The following PCCA variants were observed in gnomAD, a reference collection of about 807,000 sequenced individuals.
PCCA encodes the protein propionyl-CoA carboxylase subunit alpha.
In PCCA, 74 loss-of-function variants were observed where a neutral mutation model predicts 101.3. The observed-to-expected ratio is 0.73, with a 90% CI of 0.61 to 0.89. The LOEUF (loss-of-function observed/expected upper bound fraction) is 0.89, where lower values mean the gene tolerates loss of function less well. Ranked by LOEUF, PCCA falls within the 40% of genes least tolerant of loss-of-function variation. PCCA has a pLI of 0.00. For synonymous variants in PCCA, 294 were observed against 313.6 expected (o/e 0.94, Z 0.66); for missense variants, 891 against 907.0 (o/e 0.98, Z 0.23).
At chr13:100,138,700 C>T (rs944536375) in intron 4 of PCCA, among the ~76,000 whole-genome samples, 6 of 151,830 alleles carry the variant, frequency 4.0e-5, no homozygotes, top group African/African-American at 9.7e-5. Flanking sequence ...TTTGGGAGGC[C>T]GAAGCGGGTG....
intron 4 of PCCA, among the ~76,000 whole-genome samples, chr13:100,128,741 C>T (rs573359928): frequency 8.3e-4 from 127 of 152,232 alleles, no homozygotes; most frequent in African/African-American, 3.0e-3. Context: ...TTTGACTTCC[C>T]AGAATCTTTT....
intron 17 of PCCA, among the ~76,000 whole-genome samples, chr13:100,333,198 C>T (rs1260665454): frequency 6.6e-6 from 1 of 152,088 alleles, no homozygotes; most frequent in African/African-American, 2.4e-5. Context: ...TGTATTTTCC[C>T]CCTAAATCAG....
intron 20 of PCCA, among the ~76,000 whole-genome samples, chr13:100,444,202 AT>A (rs60275166): frequency 0.68 from 82,160 of 120,498 alleles, 25,624 homozygotes; most frequent in East Asian, 0.75. Flanking sequence ...TCAGCCCACA[AT>A]TTTTTTTTTT....
intron 4 of PCCA, among the ~76,000 whole-genome samples, chr13:100,119,665 T>G (rs940252494): frequency 6.6e-6 from 1 of 152,052 alleles, no homozygotes; most frequent in Non-Finnish European, 1.5e-5. Context: ...GTAGGTTGAT[T>G]CCTCCCCCAC....
intron 21 of PCCA, among the ~76,000 whole-genome samples, chr13:100,484,350 T>C (rs370820844): frequency 1.3e-5 from 2 of 152,158 alleles, no homozygotes; most frequent in East Asian, 1.9e-4. Context: ...TGACCCATCT[T>C]GAGGAAAATG....
intron 9 of PCCA, among the ~76,000 whole-genome samples, chr13:100,260,825 A>C (rs1317364779): frequency 6.6e-6 from 1 of 152,138 alleles, no homozygotes; most frequent in African/African-American, 2.4e-5. Context: ...ATTATCATTA[A>C]ATTTTTCTAT....
At chr13:100,135,302 A>C (rs2051025816) in intron 4 of PCCA, among the ~76,000 whole-genome samples, 3 of 151,752 alleles carry the variant, frequency 2.0e-5, no homozygotes, top group Admixed American at 2.0e-4. Context: ...TGAGAGGGAG[A>C]ATTGCTTGAG....
At chr13:100,466,353 G>A (rs1484988470) in intron 21 of PCCA, among the ~76,000 whole-genome samples, 1 of 152,210 alleles carries the variant, frequency 6.6e-6, no homozygotes, top group African/African-American at 2.4e-5. Flanking sequence ...CAGGATGCCT[G>A]ACAAGACACG....
chr13:100,246,688 C>T lies in PCCA; in HGVS notation c.637+10810C>T, dbSNP rs565487444. On this transcript the variant is annotated intron_variant, in intron 8 of 23. Coordinates refer to ENST00000376285, the MANE Select transcript of PCCA (RefSeq NM_000282.4). The stretch of plus-strand genomic sequence containing the variant: ...GTTTTTTATTATTATTGATTTCTAA[C>T]TTAATTGCTTTGTGGTCAGAGAGTA... Among the ~76,000 whole-genome samples, 3 of 152,100 alleles carry T rather than the reference C, an allele frequency of 2.0e-5. No individual in the cohort carries two copies. In the South Asian group the frequency reaches 6.2e-4, roughly 32 times the overall value.
chr13:100,371,360 C>T (rs747270533), intron 19 of PCCA, among the ~76,000 whole-genome samples: 1 of 152,038 alleles, frequency 6.6e-6, no homozygotes, highest in African/African-American at 2.4e-5. Flanking sequence ...ACCAAGGAGG[C>T]GAAAGGCTTA....
chr13:100,174,381 A>G (rs930468333), intron 6 of PCCA, among the ~76,000 whole-genome samples: 2 of 150,524 alleles, frequency 1.3e-5, no homozygotes, highest in Non-Finnish European at 2.9e-5. Context: ...ACCAGGTTTT[A>G]AATGTTTTAT....
chr13:100,413,298 T>C (rs1466877697), intron 19 of PCCA, among the ~76,000 whole-genome samples: 2 of 152,220 alleles, frequency 1.3e-5, no homozygotes, highest in African/African-American at 4.8e-5. Context: ...GCCATTTTTA[T>C]GGACGTCTTA....
At chr13:100,279,371 G>C (rs771331913) in intron 12 of PCCA, among the ~76,000 whole-genome samples, 2 of 152,100 alleles carry the variant, frequency 1.3e-5, no homozygotes, top group Non-Finnish European at 2.9e-5. Context: ...TTGATGTGGA[G>C]GATATAATTA....
At chr13:100,275,940 T>A (rs575504624) in intron 12 of PCCA, among the ~76,000 whole-genome samples, 3 of 152,332 alleles carry the variant, frequency 2.0e-5, no homozygotes, top group Non-Finnish European at 4.4e-5. Context: ...TTAGTCATCA[T>A]TCATTCCATT....
At chr13:100,269,900 A>G (rs150946163) in intron 11 of PCCA, among the ~76,000 whole-genome samples, 11 of 152,128 alleles carry the variant, frequency 7.2e-5, no homozygotes, top group African/African-American at 1.9e-4. Context: ...TTTCTCTTTG[A>G]GCAGTGAGGG....
chr13:100,184,270 G>T (rs1408551765), intron 6 of PCCA, among the ~76,000 whole-genome samples: 1 of 152,178 alleles, frequency 6.6e-6, no homozygotes, highest in Non-Finnish European at 1.5e-5. Flanking sequence ...AACCATAGGA[G>T]TTCCTGTCTC....
At chr13:100,511,615 C>T (rs2086484426) in intron 21 of PCCA, among the ~76,000 whole-genome samples, 2 of 152,174 alleles carry the variant, frequency 1.3e-5, no homozygotes, top group South Asian at 2.1e-4. Flanking sequence ...GTCAACTGTA[C>T]GTGTCCTAAT....
intron 2 of PCCA, among the ~76,000 whole-genome samples, chr13:100,109,242 C>G (rs1594126815): frequency 6.6e-6 from 1 of 152,182 alleles, no homozygotes; most frequent in Non-Finnish European, 1.5e-5. Context: ...CTGTTTTTAC[C>G]CTTATTTTAC....
intron 18 of PCCA, among the ~76,000 whole-genome samples, chr13:100,348,536 A>G (rs2072621718): frequency 6.6e-6 from 1 of 152,168 alleles, no homozygotes; most frequent in African/African-American, 2.4e-5. Context: ...TTTAAAAGCT[A>G]AAATGATTTT....
Sources: gnomAD v4.1 joint callset for allele counts (sites outside exome capture counted in the v4.1 genomes callset) on GRCh38, gnomAD v4.1.1 for gene constraint, MANE v1.5 for transcripts, NCBI Gene and HGNC (gene_info 2026-07-23, HGNC 2026-07-21) for gene names.